The following CNTN3 variants were observed in gnomAD, a reference collection of about 807,000 sequenced individuals.
CNTN3 encodes the protein contactin-3.
In CNTN3, 60 loss-of-function variants were observed where a neutral mutation model predicts 119.1. The observed-to-expected ratio is 0.50, with a 90% CI of 0.41 to 0.62. CNTN3 has a LOEUF of 0.62. Among genes scored for constraint, CNTN3 ranks in the 20% least tolerant of loss-of-function variants. The probability of loss-of-function intolerance (pLI) is 0.00; values close to 1 mark genes in which losing one functional copy is unlikely to be tolerated. For synonymous variants in CNTN3, 450 were observed against 438.7 expected (o/e 1.03, Z -0.32); for missense variants, 1,101 against 1,242.4 (o/e 0.89, Z 1.71).
rs1442554843 is a variant in CNTN3, at chr3:74,263,406, AT to A, written c.*994del. The A allele has an allele frequency of 6.6e-6, 1 of 151,970 alleles. No individual in the cohort carries two copies. The highest frequency in any genetic ancestry group is 1.5e-5 in the Non-Finnish European group (1 of 67,968). 9.4% of individuals were successfully genotyped at this position (151,970 alleles called of 1,614,324 possible). On this transcript the variant is annotated 3_prime_UTR_variant, in exon 23 of 23. Coordinates refer to ENST00000263665, the MANE Select transcript of CNTN3 (RefSeq NM_020872.3). ...GAAATTGAAATGAGGGATTATGTGG[AT>A]TTTGTTTAATATTTGGGTTGAGATT...
chr3:74,359,129 A>T (rs1704018493), intron 11 of CNTN3, among the ~76,000 whole-genome samples: 1 of 152,066 alleles, frequency 6.6e-6, no homozygotes, highest in Non-Finnish European at 1.5e-5. Context: ...GAGTGGTGGG[A>T]CAGCAAGACA....
chr3:74,559,562 T>C (rs927193167), intron 1 of CNTN3, among the ~76,000 whole-genome samples: 2 of 142,268 alleles, frequency 1.4e-5, no homozygotes, highest in South Asian at 4.4e-4. Context: ...AGGGTAAACA[T>C]AAAAGATTAA....
chr3:74,529,684 A>C lies in CNTN3; in HGVS notation c.-80-8492T>G, dbSNP rs556414886. Among the ~76,000 whole-genome samples, 55 of 152,112 alleles carry C rather than the reference A, an allele frequency of 3.6e-4. No homozygotes were observed. In the South Asian group the frequency reaches 6.2e-3, roughly 17 times the overall value. On this transcript the variant is annotated intron_variant, in intron 1 of 22. Coordinates refer to ENST00000263665, the MANE Select transcript of CNTN3 (RefSeq NM_020872.3). ...TGAAACATTTTTAAAAGAAAAAAAA[A>C]CAATTTATTCCTAAAATGATAAAAT...
intron 1 of CNTN3, among the ~76,000 whole-genome samples, chr3:74,574,642 A>T (rs1704385792): frequency 6.6e-6 from 1 of 152,212 alleles, no homozygotes; most frequent in Admixed American, 6.5e-5. Flanking sequence ...TGTTTTTCCC[A>T]GTGCTACACA....
intron 5 of CNTN3, among the ~76,000 whole-genome samples, chr3:74,418,114 A>T (rs1701554425): frequency 6.6e-6 from 1 of 152,110 alleles, no homozygotes; most frequent in African/African-American, 2.4e-5. Flanking sequence ...GGTGGAAACT[A>T]CTGGGTTATT....
chr3:74,548,528 T>G (rs780567120), intron 1 of CNTN3, among the ~76,000 whole-genome samples: 5 of 152,230 alleles, frequency 3.3e-5, no homozygotes, highest in Non-Finnish European at 5.9e-5. Context: ...CATTCCTTGC[T>G]CATTGTTATT....
chr3:74,504,022 T>C (rs952361103), intron 2 of CNTN3, among the ~76,000 whole-genome samples: 1 of 152,154 alleles, frequency 6.6e-6, no homozygotes, highest in Non-Finnish European at 1.5e-5. Flanking sequence ...TCAATTCTAA[T>C]GGTCATACTC....
intron 4 of CNTN3, among the ~76,000 whole-genome samples, chr3:74,477,653 A>C (rs1702683695): frequency 6.6e-6 from 1 of 152,104 alleles, no homozygotes; most frequent in Non-Finnish European, 1.5e-5. Context: ...TAGACAGAAT[A>C]AGATGTGCTA....
chr3:74,511,478 A>G (rs1007115631), intron 2 of CNTN3, among the ~76,000 whole-genome samples: 1 of 152,068 alleles, frequency 6.6e-6, no homozygotes, highest in African/African-American at 2.4e-5. Flanking sequence ...CAGAAATTCA[A>G]TTCAACACAT....
chr3:74,377,703 A>C (rs1704513788), intron 5 of CNTN3, among the ~76,000 whole-genome samples: 1 of 152,172 alleles, frequency 6.6e-6, no homozygotes, highest in South Asian at 2.1e-4. Context: ...AAAAGTCAAA[A>C]AGTTTTGCCA....
intron 20 of CNTN3, among the ~76,000 whole-genome samples, chr3:74,283,448 A>T (rs182138911): frequency 1.3e-5 from 2 of 152,242 alleles, no homozygotes; most frequent in East Asian, 3.9e-4. Flanking sequence ...GCTATCCCTA[A>T]ATTGTAAAGG....
At chr3:74,497,113 A>G (rs1317838822) in intron 3 of CNTN3, among the ~76,000 whole-genome samples, 1 of 151,950 alleles carries the variant, frequency 6.6e-6, no homozygotes, top group East Asian at 1.9e-4. Flanking sequence ...TATATTTATG[A>G]TTATATATGT....
intron 4 of CNTN3, among the ~76,000 whole-genome samples, chr3:74,449,321 A>T (rs1281924546): frequency 6.6e-6 from 1 of 152,068 alleles, no homozygotes; most frequent in East Asian, 1.9e-4. Context: ...TAAGTAAATC[A>T]TACCACTGCA....
intron 4 of CNTN3, among the ~76,000 whole-genome samples, chr3:74,440,590 T>C (rs532566009): frequency 3.3e-5 from 5 of 152,210 alleles, no homozygotes; most frequent in East Asian, 1.9e-4. Context: ...ATTGAACCAA[T>C]TGTGGATCAA....
intron 5 of CNTN3, among the ~76,000 whole-genome samples, chr3:74,373,226 A>G (rs142345314): frequency 2.0e-5 from 3 of 152,344 alleles, no homozygotes; most frequent in Non-Finnish European, 2.9e-5. Context: ...AGTATTGAAT[A>G]AACCATAGAG....
intron 1 of CNTN3, among the ~76,000 whole-genome samples, chr3:74,550,900 T>G (rs569489210): frequency 1.5e-4 from 23 of 152,092 alleles, no homozygotes; most frequent in Non-Finnish European, 2.8e-4. Context: ...ATGAATAGAG[T>G]AGCAGCACAG....
At position 74,452,830 on chromosome 3, in the gene CNTN3, G is replaced by A. The variant is rs951595693; in HGVS notation, c.359-27890C>T. 7.7e-3 allele frequency among the ~76,000 whole-genome samples: 1,168 copies of A among 151,946 alleles called. 15 individuals carry two copies. Among genetic ancestry groups the A allele is most frequent in the African/African-American group, 0.025 (1,029 of 41,432 alleles). On this transcript the variant is annotated intron_variant, in intron 4 of 22. Transcript: ENST00000263665. The stretch of plus-strand genomic sequence containing the variant: ...TGCTGGATTACATTTACTGATTTGC[G>A]TATACTGAACCAGCCTTGCATCCCA...
intron 5 of CNTN3, among the ~76,000 whole-genome samples, chr3:74,389,773 CA>C (rs1704847701): frequency 6.6e-6 from 1 of 152,164 alleles, no homozygotes. Context: ...CAGTTCTGCA[CA>C]AACTAACTCA....
intron 11 of CNTN3, among the ~76,000 whole-genome samples, chr3:74,337,093 A>G (rs1236821548): frequency 1.3e-5 from 2 of 152,164 alleles, no homozygotes; most frequent in Non-Finnish European, 2.9e-5. Context: ...AGAAACGAGA[A>G]GCTGCATGTC....
Sources: allele counts gnomAD v4.1 joint callset (sites outside exome capture counted in the v4.1 genomes callset), GRCh38; gene constraint gnomAD v4.1.1; transcripts MANE v1.5; gene names NCBI Gene and HGNC (gene_info 2026-07-23, HGNC 2026-07-21).